The following SYN3 variants were observed in gnomAD, a reference collection of about 807,000 sequenced individuals.
SYN3 encodes the protein synapsin-3.
A neutral mutation model predicts 65.8 loss-of-function variants in SYN3; 35 were observed. The ratio of observed to expected loss-of-function variants is 0.53; its 90% CI spans 0.41 to 0.70. The LOEUF (loss-of-function observed/expected upper bound fraction) is 0.70, where lower values mean the gene tolerates loss of function less well. Among genes scored for constraint, SYN3 ranks in the 30% least tolerant of loss-of-function variants. The pLI is 0.00. For synonymous variants in SYN3, 270 were observed against 292.9 expected, an observed-to-expected ratio of 0.92 and a Z score of 0.80; for missense variants, 680 against 749.0, an observed-to-expected ratio of 0.91 and a Z score of 1.08.
chr22:32,656,139 C>T (rs1016596394), intron 6 of SYN3, among the ~76,000 whole-genome samples: 1 of 152,218 alleles, frequency 6.6e-6, no homozygotes, highest in Non-Finnish European at 1.5e-5. Context: ...GCTCATAATA[C>T]TACCGTCTAC....
At chr22:32,717,512 G>A (rs1448681097) in intron 6 of SYN3, among the ~76,000 whole-genome samples, 1 of 152,166 alleles carries the variant, frequency 6.6e-6, no homozygotes, top group East Asian at 1.9e-4. Context: ...ACATGTCCAG[G>A]AAGGAGTGGG....
chr22:32,647,876 G>A (rs1322474612), intron 6 of SYN3, among the ~76,000 whole-genome samples: 1 of 151,874 alleles, frequency 6.6e-6, no homozygotes, highest in Non-Finnish European at 1.5e-5. Context: ...CAAAGTGCTG[G>A]GATTACATAT....
chr22:32,868,904 C>T, intron 5 of SYN3, 62 bp downstream of exon 5: 1 of 1,541,304 alleles, frequency 6.5e-7, no homozygotes, highest in Non-Finnish European at 8.8e-7. Flanking sequence ...GGGCTTGTCG[C>T]AGAGTGGGAG....
intron 4 of SYN3, among the ~76,000 whole-genome samples, chr22:32,900,074 CA>C (rs1304834320): frequency 2.5e-4 from 1 of 3,968 alleles, no homozygotes; most frequent in Admixed American, 4.2e-3. Context: ...GACTCCGTCT[CA>C]AAAAAAAAAA....
intron 6 of SYN3, among the ~76,000 whole-genome samples, chr22:32,676,743 C>T (rs1601893928): frequency 6.6e-6 from 1 of 150,618 alleles, no homozygotes; most frequent in African/African-American, 2.4e-5. Context: ...CGGGGTTTCA[C>T]CGTGTTAGCC....
At chr22:32,653,639 C>G (rs1027874615) in intron 6 of SYN3, among the ~76,000 whole-genome samples, 5 of 152,008 alleles carry the variant, frequency 3.3e-5, no homozygotes, top group African/African-American at 1.2e-4. Flanking sequence ...TCAGAAGATG[C>G]AGGAGGTGAA....
At chr22:32,869,235 G>T in intron 4 of SYN3, 110 bp from the exon 5 acceptor site, 1 of 1,214,700 alleles carries the variant, frequency 8.2e-7, no homozygotes. Context: ...CGGCAGCTTA[G>T]TTCAGAAGTG....
At chr22:32,667,532 G>A (rs1345062782) in intron 6 of SYN3, among the ~76,000 whole-genome samples, 1 of 152,152 alleles carries the variant, frequency 6.6e-6, no homozygotes, top group African/African-American at 2.4e-5. Flanking sequence ...CACTTGCTTA[G>A]GTTTTTGGGT....
intron 6 of SYN3, among the ~76,000 whole-genome samples, chr22:32,810,060 A>C (rs1485364560): frequency 6.6e-6 from 1 of 152,130 alleles, no homozygotes; most frequent in African/African-American, 2.4e-5. Flanking sequence ...ATATTTTCCT[A>C]TGTTCATGTC....
At chr22:32,859,148 T>C (rs199559064) in intron 6 of SYN3, 12 of 1,609,806 alleles carry the variant, frequency 7.5e-6, no homozygotes, top group Non-Finnish European at 1.0e-5. Context: ...CATGGCAGAG[T>C]CCATCAACTG....
chr22:32,925,120 TG>T (rs2050435168), intron 4 of SYN3, among the ~76,000 whole-genome samples: 1 of 152,068 alleles, frequency 6.6e-6, no homozygotes, highest in Admixed American at 6.5e-5. Context: ...TTGGCAGAGT[TG>T]GTTTTCTTTC....
chr22:32,735,393 G>A (rs1294126588), intron 6 of SYN3, among the ~76,000 whole-genome samples: 1 of 152,186 alleles, frequency 6.6e-6, no homozygotes, highest in Admixed American at 6.5e-5. Context: ...ATCAATGCTA[G>A]CTATTATTAT....
chr22:32,635,703 C>T (rs1342316327), intron 6 of SYN3, among the ~76,000 whole-genome samples: 2 of 152,132 alleles, frequency 1.3e-5, no homozygotes, highest in African/African-American at 2.4e-5. Flanking sequence ...ATACAGAAAA[C>T]GCAGTTTGAC....
chr22:32,725,530 T>C (rs1735252410), intron 6 of SYN3, among the ~76,000 whole-genome samples: 1 of 152,180 alleles, frequency 6.6e-6, no homozygotes, highest in Non-Finnish European at 1.5e-5. Flanking sequence ...ATGGAGAGAT[T>C]ATCTTGCATT....
At chr22:32,594,154 G>T (rs2059165406) in intron 7 of SYN3, among the ~76,000 whole-genome samples, 1 of 152,040 alleles carries the variant, frequency 6.6e-6, no homozygotes, top group South Asian at 2.1e-4. Context: ...GGAATTGGGG[G>T]GCAGACATAG....
At chr22:32,601,519 C>A (rs1462087296) in intron 6 of SYN3, among the ~76,000 whole-genome samples, 1 of 152,224 alleles carries the variant, frequency 6.6e-6, no homozygotes, top group African/African-American at 2.4e-5. Context: ...CCTCGTGATC[C>A]ACCCGCCTTG....
intron 7 of SYN3, among the ~76,000 whole-genome samples, chr22:32,546,840 C>T (rs1482002782): frequency 6.6e-6 from 1 of 152,076 alleles, no homozygotes; most frequent in African/African-American, 2.4e-5. Context: ...CCTTGCCTCC[C>T]TCGCCCCTCT....
intron 7 of SYN3, among the ~76,000 whole-genome samples, chr22:32,580,649 G>A (rs911724024): frequency 2.6e-5 from 4 of 152,096 alleles, no homozygotes; most frequent in African/African-American, 4.8e-5. Context: ...AATATTATTC[G>A]AAGTGGGAAC....
At position 32,645,947 on chromosome 22, in the gene SYN3, G is replaced by A. The variant is rs143363373; in HGVS notation, c.712-49211C>T. 2.7e-3 allele frequency among the ~76,000 whole-genome samples: 418 copies of A among 152,222 alleles called. 2 individuals carry two copies. Among genetic ancestry groups the A allele is most frequent in the African/African-American group, 9.3e-3 (387 of 41,540 alleles). On this transcript the variant is annotated intron_variant, in intron 6 of 13. Coordinates refer to ENST00000358763, the MANE Select transcript of SYN3 (RefSeq NM_003490.4). Reference sequence around the variant, plus strand: ...GCTGTACCCCACTTCTGGCACGTGAGCCTTGGAATAAGGAACAAGTCCCAA... The same window carrying A: ...GCTGTACCCCACTTCTGGCACGTGAACCTTGGAATAAGGAACAAGTCCCAA...
Sources: gnomAD v4.1 joint callset for allele counts (sites outside exome capture counted in the v4.1 genomes callset) on GRCh38, gnomAD v4.1.1 for gene constraint, MANE v1.5 for transcripts, NCBI Gene and HGNC (gene_info 2026-07-23, HGNC 2026-07-21) for gene names.